FNBP1: variants seen among roughly 807,000 people sequenced by gnomAD.
FNBP1 encodes formin-binding protein 1.
A neutral mutation model predicts 90.6 loss-of-function variants in FNBP1; 26 were observed. The observed-to-expected ratio is 0.29, with a 90% CI of 0.21 to 0.40. FNBP1 has a LOEUF of 0.40. Ranked by LOEUF, FNBP1 falls within the 10% of genes least tolerant of loss-of-function variation. The probability of loss-of-function intolerance (pLI) is 1.00; values close to 1 mark genes in which losing one functional copy is unlikely to be tolerated. For missense variants in FNBP1, 635 were observed against 768.0 expected, an observed-to-expected ratio of 0.83 and a Z score of 2.05; for synonymous variants, 260 against 265.2, an observed-to-expected ratio of 0.98 and a Z score of 0.19.
chr9:129,965,466 C>G (rs964564783), intron 4 of FNBP1, among the ~76,000 whole-genome samples: 1 of 152,156 alleles, frequency 6.6e-6, no homozygotes, highest in African/African-American at 2.4e-5. Flanking sequence ...CTGGCTACTC[C>G]TCTGCTCACT....
chr9:130,036,049 C>T (rs948045018), intron 1 of FNBP1, among the ~76,000 whole-genome samples: 2 of 151,926 alleles, frequency 1.3e-5, no homozygotes, highest in Non-Finnish European at 2.9e-5. Flanking sequence ...TAACTAAACA[C>T]ATTACTAGGC....
chr9:129,986,172 A>G (rs2052198679), intron 2 of FNBP1, among the ~76,000 whole-genome samples: 1 of 152,026 alleles, frequency 6.6e-6, no homozygotes, highest in Admixed American at 6.6e-5. Context: ...GCAAAGTGAA[A>G]GATATGACAG....
intron 2 of FNBP1, among the ~76,000 whole-genome samples, chr9:129,991,244 G>A (rs1321984228): frequency 6.6e-6 from 1 of 151,258 alleles, no homozygotes; most frequent in East Asian, 2.0e-4. Flanking sequence ...CCTCAGGTGA[G>A]TGGAGGAAAA....
chr9:129,970,250 G>C (rs964988901), intron 4 of FNBP1, among the ~76,000 whole-genome samples: 3 of 150,924 alleles, frequency 2.0e-5, no homozygotes, highest in Non-Finnish European at 2.9e-5. Flanking sequence ...CTGTCACCCA[G>C]GCTGGAGTGC....
chr9:129,998,381 G>T (rs939511888), intron 1 of FNBP1, among the ~76,000 whole-genome samples: 3 of 151,528 alleles, frequency 2.0e-5, no homozygotes, highest in Non-Finnish European at 4.4e-5. Context: ...GGGCCTGGTG[G>T]CGCACGCCTA....
At chr9:129,984,433 T>C (rs1198331769) in intron 2 of FNBP1, among the ~76,000 whole-genome samples, 1 of 151,988 alleles carries the variant, frequency 6.6e-6, no homozygotes, top group Non-Finnish European at 1.5e-5. Context: ...ACCCTGAAAA[T>C]CAGCCCAGAC....
At chr9:129,955,505 G>A (rs967391301) in intron 6 of FNBP1, among the ~76,000 whole-genome samples, 2 of 151,008 alleles carry the variant, frequency 1.3e-5, no homozygotes, top group Non-Finnish European at 2.9e-5. Context: ...CAAAGTGCTG[G>A]GATTATAGGC....
chr9:129,896,420 G>C (rs1467329055), intron 15 of FNBP1, among the ~76,000 whole-genome samples: 1 of 152,074 alleles, frequency 6.6e-6, no homozygotes, highest in Non-Finnish European at 1.5e-5. Context: ...TCTTGCTCTT[G>C]TTGCCCAGGC....
intron 4 of FNBP1, among the ~76,000 whole-genome samples, chr9:129,973,619 G>A (rs1382037447): frequency 6.6e-6 from 1 of 151,238 alleles, no homozygotes. Flanking sequence ...TCCTGCCTCA[G>A]CCTCCCAAGT....
intron 6 of FNBP1, among the ~76,000 whole-genome samples, chr9:129,946,167 T>C (rs183231314): frequency 6.7e-6 from 1 of 148,544 alleles, no homozygotes; most frequent in African/African-American, 2.5e-5. Context: ...ATACTCTGTT[T>C]CAAAAAAAAA....
intron 1 of FNBP1, among the ~76,000 whole-genome samples, chr9:130,020,159 C>T (rs185723585): frequency 4.2e-4 from 64 of 152,294 alleles, no homozygotes; most frequent in African/African-American, 1.5e-3. Context: ...TTCATACCAA[C>T]GACATAGATC....
intron 7 of FNBP1, 115 bp from the exon 8 acceptor site, chr9:129,927,456 G>T: frequency 1.1e-6 from 1 of 937,724 alleles, no homozygotes; most frequent in Non-Finnish European, 1.6e-6. Context: ...ATGGGTTAGA[G>T]TTAGAGCGGC....
chr9:129,891,492 C>A (rs1429773962), intron 16 of FNBP1, among the ~76,000 whole-genome samples: 1 of 152,080 alleles, frequency 6.6e-6, no homozygotes, highest in South Asian at 2.1e-4. Flanking sequence ...AAAAGAAATG[C>A]ATCAATTTCC....
intron 4 of FNBP1, among the ~76,000 whole-genome samples, chr9:129,962,263 G>A (rs1333016226): frequency 6.6e-6 from 1 of 152,212 alleles, no homozygotes; most frequent in Non-Finnish European, 1.5e-5. Flanking sequence ...ACTGTGACTT[G>A]CTCCAGGGTA....
At chr9:129,943,941 C>T (rs373714246) in intron 6 of FNBP1, among the ~76,000 whole-genome samples, 5,081 of 137,566 alleles carry the variant, frequency 0.037, 86 homozygotes, top group South Asian at 0.066. Flanking sequence ...TGCAGTGAGC[C>T]AAGACTGCAC....
At chr9:130,043,648 G>C (rs1169946589), upstream of FNBP1, among the ~76,000 whole-genome samples, 2 of 152,240 alleles carry the variant, frequency 1.3e-5, no homozygotes, top group South Asian at 2.1e-4. Flanking sequence ...AGTCCCGCAG[G>C]CTGGCGCGGT....
Position 130,042,620 on chromosome 9 carries a change from T to A in FNBP1, c.24+332A>T, listed in dbSNP as rs2132475758. Among the ~76,000 whole-genome samples, 1 of 151,088 alleles carries A rather than the reference T, an allele frequency of 6.6e-6. No homozygotes were observed. Among genetic ancestry groups the A allele is most frequent in the East Asian group, 2.0e-4 (1 of 5,050 alleles). On this transcript the variant is annotated intron_variant, in intron 1 of 16. Transcript: ENST00000446176. The surrounding 1 kb of genome is among the most constrained non-coding windows in gnomAD (Gnocchi z 5.5). ...GCCCGGTCCCGGCCCTCCCCGGGCA[T>A]CCGCGGCTCGCCCCGGGGGATTAGG... is the stretch of plus-strand genomic sequence containing the variant.
intron 13 of FNBP1, among the ~76,000 whole-genome samples, chr9:129,901,093 T>C (rs1003887776): frequency 7.9e-5 from 12 of 152,112 alleles, no homozygotes; most frequent in African/African-American, 2.9e-4. Flanking sequence ...TGAAACAGTA[T>C]AAACAAGTCA....
upstream of FNBP1, among the ~76,000 whole-genome samples, chr9:130,043,948 G>A (rs1418466877): frequency 6.6e-6 from 1 of 152,260 alleles, no homozygotes; most frequent in Non-Finnish European, 1.5e-5. Context: ...ACCTCTGGAA[G>A]CGCAGAGCGC....
Sources: allele counts gnomAD v4.1 joint callset (sites outside exome capture counted in the v4.1 genomes callset), GRCh38; gene constraint gnomAD v4.1.1; non-coding constraint Gnocchi (gnomAD v3.1); transcripts MANE v1.5; gene names NCBI Gene and HGNC (gene_info 2026-07-23, HGNC 2026-07-21).